Variants in TMEM207 observed in about 807,000 individuals in gnomAD.
TMEM207 encodes the protein SRSR846.
A neutral mutation model predicts 17.4 loss-of-function variants in TMEM207; 15 were observed. That is an observed-to-expected ratio of 0.86 (90% CI 0.58 to 1.33). The LOEUF (loss-of-function observed/expected upper bound fraction) is 1.33. Ranked by LOEUF, TMEM207 falls within the 40% of genes most tolerant of loss-of-function variation. The pLI is 0.00. For missense variants in TMEM207, 205 were observed against 173.8 expected, an observed-to-expected ratio of 1.18 and a Z score of -1.01; for synonymous variants, 70 against 65.6, an observed-to-expected ratio of 1.07 and a Z score of -0.33.
chr3:190,446,584 T>C (rs1720055440), intron 2 of TMEM207, among the ~76,000 whole-genome samples: 1 of 152,220 alleles, frequency 6.6e-6, no homozygotes, highest in African/African-American at 2.4e-5. Flanking sequence ...CAAAATGATG[T>C]AGCCAGAGAA....
At chr3:190,449,323 G>A (rs559396406) in intron 1 of TMEM207, among the ~76,000 whole-genome samples, 74 of 152,262 alleles carry the variant, frequency 4.9e-4, no homozygotes, top group African/African-American at 1.8e-3. Flanking sequence ...TCCTAAAATG[G>A]TTCTGTCTAC....
At chr3:190,443,957 A>C (rs758476804) in intron 2 of TMEM207, among the ~76,000 whole-genome samples, 2 of 152,196 alleles carry the variant, frequency 1.3e-5, no homozygotes, top group Non-Finnish European at 2.9e-5. Context: ...TCCTTATCAG[A>C]ACGATTTCCT....
intron 4 of TMEM207, among the ~76,000 whole-genome samples, chr3:190,438,299 C>CT (rs535891750): frequency 0.066 from 9,398 of 141,492 alleles, 435 homozygotes; most frequent in African/African-American, 0.14. Context: ...GTTTTTTTTT[C>CT]TTTTTTTTTT....
At position 190,440,250 on chromosome 3, in the gene TMEM207, TA is replaced by T; in HGVS notation, c.297del (p.Ile100PhefsTer8). 6.2e-7 allele frequency: 1 copy of T among 1,613,378 alleles called. No individual in the cohort carries two copies. Among genetic ancestry groups the T allele is most frequent in the East Asian group, 2.2e-5 (1 of 44,878 alleles). ...AAGCGTGCAGACAACTCACCATAAA[TA>T]GAGTCCAAGTCTCCAACAGCAAAAA... is the stretch of plus-strand genomic sequence containing the variant. ...MAVFAVGDLDSIYGTEAAVSP... is the reference protein window; with the variant it reads ...MAVFAVGDLDXIYGTEAAVSP... On this transcript the variant is annotated frameshift_variant, in exon 4 of 5. Coordinates refer to ENST00000354905, the MANE Select transcript of TMEM207 (RefSeq NM_207316.3). LOFTEE classifies it low-confidence loss of function (END_TRUNC).
intron 4 of TMEM207, among the ~76,000 whole-genome samples, chr3:190,438,376 G>T (rs1719851055): frequency 6.6e-6 from 1 of 151,142 alleles, no homozygotes; most frequent in South Asian, 2.1e-4. Context: ...CTCAGTGCTA[G>T]CACATGCAGA....
intron 2 of TMEM207, among the ~76,000 whole-genome samples, chr3:190,442,641 C>T (rs989405959): frequency 1.3e-5 from 2 of 151,770 alleles, no homozygotes; most frequent in Admixed American, 1.3e-4. Context: ...CTTTTGAGCG[C>T]CCAGAGTGTT....
intron 4 of TMEM207, among the ~76,000 whole-genome samples, chr3:190,433,781 G>A (rs1719741698): frequency 6.6e-6 from 1 of 152,080 alleles, no homozygotes; most frequent in African/African-American, 2.4e-5. Flanking sequence ...AATCCCCAGT[G>A]TTGAAGACGG....
At chr3:190,435,314 A>ACTTTGTGC (rs1210209813) in intron 4 of TMEM207, among the ~76,000 whole-genome samples, 1 of 152,118 alleles carries the variant, frequency 6.6e-6, no homozygotes, top group East Asian at 1.9e-4. Flanking sequence ...CATGGTCTTT[A>ACTTTGTGC]CTTTGTGCCT....
rs1308957002 is a variant in TMEM207, at chr3:190,429,423, T to A, written c.*172A>T. The A allele has an allele frequency of 2.5e-6, 2 of 814,918 alleles. No homozygotes were observed. The highest frequency in any genetic ancestry group is 3.7e-6 in the Non-Finnish European group (2 of 539,446). The allele number at this position is 814,918 out of a possible 1,614,324, so 50.5% of individuals were successfully genotyped here. On this transcript the variant is annotated 3_prime_UTR_variant, in exon 5 of 5. Transcript: ENST00000354905. ...AGCCTGCTACTTTACTATTTAAACA[T>A]CTCCATGACCAAAATTTTTTCCAAC...
At chr3:190,448,664 T>A (rs1034371900) in intron 1 of TMEM207, among the ~76,000 whole-genome samples, 1 of 152,164 alleles carries the variant, frequency 6.6e-6, no homozygotes, top group Non-Finnish European at 1.5e-5. Flanking sequence ...GTTGAAGTAT[T>A]TATTTTCCTG....
chr3:190,430,343 C>T (rs1486668770), intron 4 of TMEM207, among the ~76,000 whole-genome samples: 1 of 151,906 alleles, frequency 6.6e-6, no homozygotes, highest in Non-Finnish European at 1.5e-5. Context: ...TACAAACTGG[C>T]CTTTTCTTCC....
In TMEM207 at chr3:190,440,373, C is replaced by T. The variant is rs1176326813; in HGVS notation, c.175G>A (p.Val59Ile). 8.7e-6 allele frequency: 14 copies of T among 1,611,666 alleles called. No homozygotes were observed. The highest frequency in any genetic ancestry group is 1.2e-5 in the Non-Finnish European group (14 of 1,179,328). The change falls in exon 4 of 5, where the codon GTT (valine) becomes ATT (isoleucine). Residue 59 changes from valine to isoleucine, a missense_variant. By Grantham distance (29) the Val-to-Ile change is conservative. Transcript: ENST00000354905. ...GWYIWILLLL[V>I]LVAALLCGAV... ...CCACAGAGAAGAGCTGCCACCAAAA[C>T]CAGCAGCAGGAGGATCCTGACTCCA...
intron 1 of TMEM207, among the ~76,000 whole-genome samples, chr3:190,449,495 C>T (rs1180271513): frequency 1.3e-5 from 2 of 152,178 alleles, no homozygotes; most frequent in Admixed American, 1.3e-4. Flanking sequence ...AATTTGCAAT[C>T]ACGTTATTTC....
At chr3:190,446,750 G>A (rs1720059352) in intron 2 of TMEM207, among the ~76,000 whole-genome samples, 1 of 152,176 alleles carries the variant, frequency 6.6e-6, no homozygotes, top group Admixed American at 6.5e-5. Flanking sequence ...ACGTTGATTA[G>A]AGTTAGATTC....
At chr3:190,433,049 C>T (rs1206146421) in intron 4 of TMEM207, among the ~76,000 whole-genome samples, 2 of 152,098 alleles carry the variant, frequency 1.3e-5, no homozygotes, top group Admixed American at 6.6e-5. Flanking sequence ...GGCAAAGGGA[C>T]CCTTATTTAA....
chr3:190,435,581 T>C (rs558274121), intron 4 of TMEM207, among the ~76,000 whole-genome samples: 1 of 152,280 alleles, frequency 6.6e-6, no homozygotes, highest in African/African-American at 2.4e-5. Flanking sequence ...ATTGTGGACA[T>C]GGAGAGTGAT....
intron 1 of TMEM207, among the ~76,000 whole-genome samples, chr3:190,449,044 G>A (rs534585343): frequency 5.3e-4 from 81 of 152,278 alleles, no homozygotes; most frequent in African/African-American, 1.8e-3. Context: ...CAGCTTAACA[G>A]ATAAACAAAT....
rs182793339 is a variant in TMEM207 at position 190,430,352 on chromosome 3, C to A, written c.305-621G>T. Among the ~76,000 whole-genome samples, 285 of 151,996 alleles carry A rather than the reference C, an allele frequency of 1.9e-3. 4 individuals carry two copies. The highest frequency in any genetic ancestry group is 0.015 in the South Asian group (73 of 4,818). ...AACTATTACAAACTGGCCTTTTCTT[C>A]CACTAACTGGTAACCTTGAAAGACT... On this transcript the variant is annotated intron_variant, in intron 4 of 4. Transcript: ENST00000354905.
At chr3:190,432,307 C>T (rs1719707949) in intron 4 of TMEM207, among the ~76,000 whole-genome samples, 1 of 152,090 alleles carries the variant, frequency 6.6e-6, no homozygotes, top group Non-Finnish European at 1.5e-5. Context: ...TGGGAGTGGC[C>T]AGAAGGACTG....
Sources: gnomAD v4.1 joint callset for allele counts (sites outside exome capture counted in the v4.1 genomes callset) on GRCh38, gnomAD v4.1.1 for gene constraint, MANE v1.5 for transcripts, NCBI Gene and HGNC (gene_info 2026-07-23, HGNC 2026-07-21) for gene names.